PTPRD: variants seen among roughly 807,000 people sequenced by gnomAD.
The protein encoded by PTPRD is receptor-type tyrosine-protein phosphatase delta.
In PTPRD, 34 loss-of-function variants were observed where a neutral mutation model predicts 214.5. The observed-to-expected ratio is 0.16, with a 90% CI of 0.12 to 0.21. The LOEUF is 0.21. PTPRD is among the 10% of genes least tolerant of loss of function. The pLI, the probability that PTPRD is intolerant of heterozygous loss-of-function variation, is 1.00. For synonymous variants in PTPRD, 1,128 were observed against 845.7 expected (o/e 1.33, Z -5.79); for missense variants, 2,545 against 2,398.7 (o/e 1.06, Z -1.27).
At chr9:9,408,632 T>A (rs1474668133) in intron 8 of PTPRD, among the ~76,000 whole-genome samples, 2 of 151,860 alleles carry the variant, frequency 1.3e-5, no homozygotes, top group Non-Finnish European at 3.0e-5. Context: ...CGACATTACA[T>A]TAAGAGGCAT....
At chr9:8,652,082 GCTAA>G (rs969486074) in intron 12 of PTPRD, among the ~76,000 whole-genome samples, 7 of 152,156 alleles carry the variant, frequency 4.6e-5, no homozygotes, top group African/African-American at 1.7e-4. Context: ...TTATTTGCCA[GCTAA>G]CTTTTTCCCC....
At chr9:9,653,109 G>A (rs1332121204) in intron 7 of PTPRD, among the ~76,000 whole-genome samples, 2 of 149,304 alleles carry the variant, frequency 1.3e-5, no homozygotes, top group East Asian at 2.0e-4. Flanking sequence ...TTGGGAGGCC[G>A]AGGCGGGTGG....
intron 2 of PTPRD, among the ~76,000 whole-genome samples, chr9:10,476,140 G>A (rs926877252): frequency 6.6e-6 from 1 of 151,958 alleles, no homozygotes; most frequent in East Asian, 1.9e-4. Flanking sequence ...CCAGGGCAGT[G>A]AGGCAGGAGA....
At chr9:9,862,674 C>T (rs979198764) in intron 5 of PTPRD, among the ~76,000 whole-genome samples, 1 of 148,536 alleles carries the variant, frequency 6.7e-6, no homozygotes, top group Non-Finnish European at 1.5e-5. Context: ...AGCTGAGCTC[C>T]CCAAGTTCTG....
chr9:8,730,207 G>A (rs897886357), intron 12 of PTPRD, among the ~76,000 whole-genome samples: 10 of 152,140 alleles, frequency 6.6e-5, no homozygotes, highest in African/African-American at 2.4e-4. Context: ...ACTGAGCCGA[G>A]ATCGCGCCAC....
At chr9:10,202,161 T>C (rs1306387909) in intron 3 of PTPRD, among the ~76,000 whole-genome samples, 6 of 152,082 alleles carry the variant, frequency 3.9e-5, no homozygotes, top group Non-Finnish European at 7.4e-5. Context: ...TTCAAAGGAA[T>C]TTAGTAAAAT....
At chr9:10,331,622 G>T (rs757416875) in intron 3 of PTPRD, among the ~76,000 whole-genome samples, 1 of 151,764 alleles carries the variant, frequency 6.6e-6, no homozygotes, top group Non-Finnish European at 1.5e-5. Context: ...CTAGAATCCT[G>T]TGGGCTTAGA....
intron 14 of PTPRD, among the ~76,000 whole-genome samples, chr9:8,547,196 A>C (rs769670024): frequency 6.6e-6 from 1 of 152,216 alleles, no homozygotes; most frequent in Non-Finnish European, 1.5e-5. Flanking sequence ...AAATGAATCC[A>C]CATTTCCCAT....
chr9:9,732,382 G>T (rs1429263951), intron 7 of PTPRD, among the ~76,000 whole-genome samples: 3 of 152,032 alleles, frequency 2.0e-5, no homozygotes, highest in Admixed American at 6.6e-5. Flanking sequence ...AAGTGTTTTA[G>T]AATCCATCAC....
At chr9:9,023,268 C>G (rs2099575733) in intron 10 of PTPRD, among the ~76,000 whole-genome samples, 1 of 152,068 alleles carries the variant, frequency 6.6e-6, no homozygotes, top group Admixed American at 6.6e-5. Flanking sequence ...AATTTGTGTA[C>G]TGCATTTAAT....
In PTPRD at chr9:9,870,902, T is replaced by G. The variant is rs118039368; in HGVS notation, c.-368+67605A>C. On this transcript the variant is annotated intron_variant, in intron 5 of 45. Coordinates refer to ENST00000381196, the MANE Select transcript of PTPRD (RefSeq NM_002839.4). The stretch of plus-strand genomic sequence containing the variant: ...TATATACGTGTTATAACAACATACA[T>G]TCAACTTTCTGTACATGTGAAGTTT... 9.4e-3 allele frequency among the ~76,000 whole-genome samples: 1,430 copies of G among 152,214 alleles called. 10 individuals carry two copies. Among genetic ancestry groups the G allele is most frequent in the Non-Finnish European group, 0.01 (709 of 67,976 alleles).
chr9:9,792,089 G>C (rs2098971756), intron 5 of PTPRD, among the ~76,000 whole-genome samples: 1 of 150,372 alleles, frequency 6.7e-6, no homozygotes, highest in Non-Finnish European at 1.5e-5. Flanking sequence ...TTTATCCCAT[G>C]ATTTGGAGGC....
At chr9:9,918,787 A>C (rs10120380) in intron 5 of PTPRD, among the ~76,000 whole-genome samples, 11,130 of 152,168 alleles carry the variant, frequency 0.073, 1,047 homozygotes, top group African/African-American at 0.22. Context: ...GGGTATCGAG[A>C]ATATTCACTG....
At chr9:9,956,226 T>C (rs1346001650) in intron 4 of PTPRD, among the ~76,000 whole-genome samples, 1 of 149,516 alleles carries the variant, frequency 6.7e-6, no homozygotes, top group Non-Finnish European at 1.5e-5. Flanking sequence ...GGAAAGGAAA[T>C]AATGTAAAAG....
chr9:9,604,867 A>G (rs2094039340), intron 7 of PTPRD, among the ~76,000 whole-genome samples: 1 of 151,916 alleles, frequency 6.6e-6, no homozygotes, highest in African/African-American at 2.4e-5. Flanking sequence ...GAAAACTATT[A>G]TTAAAGAACA....
chr9:8,885,792 C>T (rs1046802924), intron 11 of PTPRD, among the ~76,000 whole-genome samples: 9 of 152,004 alleles, frequency 5.9e-5, no homozygotes, highest in South Asian at 2.1e-4. Flanking sequence ...CCACCGTGCC[C>T]GGCCTGCCTC....
At chr9:9,257,760 G>A (rs2099978348) in intron 9 of PTPRD, among the ~76,000 whole-genome samples, 1 of 151,974 alleles carries the variant, frequency 6.6e-6, no homozygotes, top group African/African-American at 2.4e-5. Context: ...CTCCAGTCTG[G>A]ATGACAAAAT....
chr9:8,441,309 C>T (rs2095539810), intron 34 of PTPRD, among the ~76,000 whole-genome samples: 1 of 152,050 alleles, frequency 6.6e-6, no homozygotes, highest in African/African-American at 2.4e-5. Context: ...GGCTAGTGTA[C>T]ACATTGGGGG....
chr9:8,526,622 C>T lies in PTPRD; in HGVS notation c.568+5G>A, dbSNP rs1386971266. On this transcript the variant is annotated splice_donor_5th_base_variant and intron_variant, in intron 17 of 45. Transcript: ENST00000381196. The stretch of plus-strand genomic sequence containing the variant: ...ATTCTGTGAACGTTAGTTCAGCACT[C>T]TTACCTCTTATTGGTGTACCACCTG... 6.3e-7 allele frequency: 1 copy of T among 1,583,774 alleles called. No individual in the cohort carries two copies. The highest frequency in any genetic ancestry group is 1.4e-5 in the African/African-American group (1 of 73,954).
Sources: allele counts gnomAD v4.1 joint callset (sites outside exome capture counted in the v4.1 genomes callset), GRCh38; gene constraint gnomAD v4.1.1; transcripts MANE v1.5; gene names NCBI Gene and HGNC (gene_info 2026-07-23, HGNC 2026-07-21).